Variants in ROBO1 observed in about 807,000 individuals in gnomAD.
The protein encoded by ROBO1 is roundabout guidance receptor 1, also known as roundabout homolog 1.
ROBO1 carries 149 observed loss-of-function variants against 195.9 expected under a neutral mutation model. The ratio of observed to expected loss-of-function variants is 0.76; its 90% CI spans 0.67 to 0.87. The LOEUF (loss-of-function observed/expected upper bound fraction) is 0.87. ROBO1 is among the 40% of genes least tolerant of loss of function. The pLI is 0.00. For missense variants in ROBO1, 1,933 were observed against 2,068.3 expected, an observed-to-expected ratio of 0.93 and a Z score of 1.27; for synonymous variants, 816 against 733.2, an observed-to-expected ratio of 1.11 and a Z score of -1.82.
intron 2 of ROBO1, among the ~76,000 whole-genome samples, chr3:79,394,563 TCA>T (rs1453456695): frequency 2.6e-5 from 4 of 151,896 alleles, no homozygotes; most frequent in African/African-American, 9.7e-5. Flanking sequence ...TTCTTTCACA[TCA>T]GTAATTTTTG....
intron 2 of ROBO1, among the ~76,000 whole-genome samples, chr3:79,432,417 T>C (rs1241988396): frequency 6.6e-6 from 1 of 152,118 alleles, no homozygotes; most frequent in Non-Finnish European, 1.5e-5. Context: ...ACATCACTCA[T>C]AGGAATTTCA....
chr3:78,816,278 C>A (rs532107310), intron 4 of ROBO1, among the ~76,000 whole-genome samples: 2 of 152,212 alleles, frequency 1.3e-5, no homozygotes, highest in South Asian at 4.1e-4. Context: ...GAATGGTTTA[C>A]TATTATGGGC....
chr3:79,109,153 GT>G (rs920344271), intron 3 of ROBO1, among the ~76,000 whole-genome samples: 50 of 148,476 alleles, frequency 3.4e-4, no homozygotes, highest in East Asian at 1.4e-3. Context: ...GGGTCTTAAA[GT>G]TTTTTTTTTC....
At chr3:79,063,995 T>C (rs1489080757) in intron 3 of ROBO1, among the ~76,000 whole-genome samples, 1 of 151,786 alleles carries the variant, frequency 6.6e-6, no homozygotes, top group Admixed American at 6.6e-5. Flanking sequence ...GTCACAGTTA[T>C]ACAGGAAGAG....
intron 1 of ROBO1, among the ~76,000 whole-genome samples, chr3:79,677,523 T>C (rs572063433): frequency 6.6e-6 from 1 of 152,172 alleles, no homozygotes; most frequent in East Asian, 2.0e-4. Flanking sequence ...TTATTCACTA[T>C]CATGAGAACA....
chr3:79,632,004 G>A (rs1189352656), intron 1 of ROBO1, among the ~76,000 whole-genome samples: 1 of 151,930 alleles, frequency 6.6e-6, no homozygotes, highest in Non-Finnish European at 1.5e-5. Flanking sequence ...CAGAGAATAG[G>A]GAATGCTTGC....
intron 10 of ROBO1, among the ~76,000 whole-genome samples, chr3:78,676,410 A>C (rs1312227165): frequency 6.6e-6 from 1 of 152,204 alleles, no homozygotes; most frequent in Non-Finnish European, 1.5e-5. Flanking sequence ...CCCAAGGCAA[A>C]GAAGTTAAAA....
At chr3:79,659,575 A>G (rs1946268759) in intron 1 of ROBO1, among the ~76,000 whole-genome samples, 1 of 151,838 alleles carries the variant, frequency 6.6e-6, no homozygotes, top group Non-Finnish European at 1.5e-5. Context: ...GCATTACCGA[A>G]CAGTTACGAT....
intron 2 of ROBO1, among the ~76,000 whole-genome samples, chr3:79,280,788 G>T (rs765506729): frequency 6.6e-6 from 1 of 152,100 alleles, no homozygotes; most frequent in Non-Finnish European, 1.5e-5. Context: ...TTCTCATAAG[G>T]AGCCTGCAAC....
chr3:78,661,227 T>C lies in ROBO1; in HGVS notation c.2123A>G (p.Lys708Arg), dbSNP rs767410400. The C allele has an allele frequency of 2.5e-6, 4 of 1,612,448 alleles. No individual in the cohort carries two copies. The African/African-American group carries it at 4.0e-5, about 16-fold the overall frequency. ...DQQSQYIQGYKILYRPSGANH... is the reference protein window; with the variant it reads ...DQQSQYIQGYRILYRPSGANH... The stretch of plus-strand genomic sequence containing the variant: ...GGCTCCAGATGGCCGATAGAGAATT[T>C]TATATCCTTGTATATACTGAGACTG... Residue 708 changes from lysine to arginine, a missense_variant, in exon 16 of 31, where the codon AAA (lysine) becomes AGA (arginine). By Grantham distance (26) the Lys-to-Arg change is conservative (BLOSUM62 2). This residue lies in a region of ROBO1 where 1,737 missense variants were observed against 1,882.5 expected (regional missense o/e 0.92). Coordinates refer to ENST00000464233, the MANE Select transcript of ROBO1 (RefSeq NM_002941.4).
At chr3:78,875,525 C>G (rs889886366) in intron 4 of ROBO1, among the ~76,000 whole-genome samples, 56 of 151,892 alleles carry the variant, frequency 3.7e-4, no homozygotes, top group Admixed American at 2.0e-4. Context: ...TCACTGATTA[C>G]TAACTTATAA....
At chr3:79,055,941 C>T (rs1309250560) in intron 3 of ROBO1, among the ~76,000 whole-genome samples, 1 of 151,994 alleles carries the variant, frequency 6.6e-6, no homozygotes, top group East Asian at 1.9e-4. Context: ...GAATGTGGAA[C>T]CTTCTCTTTC....
At chr3:79,492,002 GTTA>G (rs953862966) in intron 2 of ROBO1, among the ~76,000 whole-genome samples, 1 of 151,410 alleles carries the variant, frequency 6.6e-6, no homozygotes, top group Non-Finnish European at 1.5e-5. Flanking sequence ...CGGGCTACTG[GTTA>G]TTTTTTGGTT....
In ROBO1 at chr3:78,635,787, T is replaced by C. The variant is rs752201754; in HGVS notation, c.3359A>G (p.Asn1120Ser). Residue 1120 changes from asparagine to serine, a missense_variant, in exon 23 of 31, where the codon AAC (asparagine) becomes AGC (serine). This residue lies in a region of ROBO1 where 1,737 missense variants were observed against 1,882.5 expected (regional missense o/e 0.92). Coordinates refer to ENST00000464233, the MANE Select transcript of ROBO1 (RefSeq NM_002941.4). The stretch of plus-strand genomic sequence containing the variant: ...AGCCTCTTCACCTTTGTTCAGCTTG[T>C]TTTGCTCCACGATGTTGTACTGAAC... ...APVQYNIVEQ[N>S]KLNKDYRAND... 84 of 1,613,494 alleles carry C rather than the reference T, an allele frequency of 5.2e-5. No individual in the cohort carries two copies. The highest frequency in any genetic ancestry group is 6.7e-5 in the Non-Finnish European group (79 of 1,179,636).
At chr3:79,385,191 C>T (rs567283047) in intron 2 of ROBO1, among the ~76,000 whole-genome samples, 6 of 152,048 alleles carry the variant, frequency 3.9e-5, no homozygotes, top group South Asian at 2.1e-4. Context: ...TAAATTTGGA[C>T]GCATGAAGTT....
At chr3:79,487,883 A>G (rs1170116727) in intron 2 of ROBO1, among the ~76,000 whole-genome samples, 1 of 152,190 alleles carries the variant, frequency 6.6e-6, no homozygotes, top group Non-Finnish European at 1.5e-5. Context: ...CTAGATAGAA[A>G]TAGAAAATGG....
chr3:79,270,675 GA>G (rs538557188), intron 2 of ROBO1, among the ~76,000 whole-genome samples: 2 of 150,222 alleles, frequency 1.3e-5, no homozygotes, highest in African/African-American at 2.4e-5. Flanking sequence ...CAGGTAAAGA[GA>G]AAAAAAAATC....
intron 2 of ROBO1, among the ~76,000 whole-genome samples, chr3:79,336,988 T>G (rs1219559776): frequency 6.6e-6 from 1 of 152,258 alleles, no homozygotes; most frequent in Non-Finnish European, 1.5e-5. Flanking sequence ...GATCTTGGAC[T>G]CTCATGGGGC....
intron 1 of ROBO1, among the ~76,000 whole-genome samples, chr3:79,720,824 G>A (rs1299768983): frequency 2.1e-5 from 3 of 143,446 alleles, no homozygotes; most frequent in East Asian, 2.1e-4. Flanking sequence ...ATGGAGTCTC[G>A]CGCTGTTGCC....
Sources: allele counts gnomAD v4.1 joint callset (sites outside exome capture counted in the v4.1 genomes callset), GRCh38; gene constraint gnomAD v4.1.1; regional missense constraint gnomAD v4.1.1; transcripts MANE v1.5; gene names NCBI Gene and HGNC (gene_info 2026-07-23, HGNC 2026-07-21).